CAB39L: variants seen among roughly 807,000 people sequenced by gnomAD.
The protein encoded by CAB39L is calcium-binding protein 39-like.
Under a neutral mutation model 39.1 loss-of-function variants are expected in CAB39L, and 23 were observed. The observed-to-expected ratio is 0.59, with a 90% CI of 0.42 to 0.83. The LOEUF (loss-of-function observed/expected upper bound fraction) is 0.83. Ranked by LOEUF, CAB39L falls within the 40% of genes least tolerant of loss-of-function variation. The pLI is 0.00. For missense variants in CAB39L, 366 were observed against 391.9 expected (o/e 0.93, Z 0.56); for synonymous variants, 126 against 137.2 (o/e 0.92, Z 0.57).
At chr13:49,317,293 G>A (rs1954185270) in intron 10 of CAB39L, among the ~76,000 whole-genome samples, 1 of 152,166 alleles carries the variant, frequency 6.6e-6, no homozygotes, top group Admixed American at 6.5e-5. Context: ...ACTTTGGGAG[G>A]CCGAGGTGGG....
At chr13:49,384,077 T>C (rs910100209) in intron 3 of CAB39L, among the ~76,000 whole-genome samples, 1 of 152,228 alleles carries the variant, frequency 6.6e-6, no homozygotes, top group Non-Finnish European at 1.5e-5. Flanking sequence ...GTGATGCAGT[T>C]TGTTAGCATT....
chr13:49,331,493 C>A (rs1298577538), intron 10 of CAB39L, among the ~76,000 whole-genome samples: 1 of 151,846 alleles, frequency 6.6e-6, no homozygotes. Context: ...ACAAAAAAAC[C>A]ACTATTGTCT....
intron 5 of CAB39L, among the ~76,000 whole-genome samples, chr13:49,361,171 T>G (rs9596086): frequency 0.19 from 28,141 of 151,954 alleles, 2,881 homozygotes; most frequent in Admixed American, 0.27. Flanking sequence ...GTCTCCCTTT[T>G]GCTTAGAAAA....
chr13:49,410,064 G>A lies in CAB39L; in HGVS notation c.-32+23254C>T, dbSNP rs985353668. ...AACAATATAACAACGCTAAGTACAT[G>A]CTATGCTTTTCCACCAACTGCCCAA... is the stretch of plus-strand genomic sequence containing the variant. On this transcript the variant is annotated intron_variant, in intron 3 of 10. Transcript: ENST00000409308. Among the ~76,000 whole-genome samples the A allele has an allele frequency of 4.6e-5, 7 of 152,098 alleles. 1 individual carries two copies. The highest frequency in any genetic ancestry group is 2.6e-4 in the Admixed American group (4 of 15,262).
chr13:49,312,268 T>C (rs1593884365), intron 10 of CAB39L, among the ~76,000 whole-genome samples: 2 of 152,344 alleles, frequency 1.3e-5, no homozygotes, highest in Admixed American at 1.3e-4. Context: ...GCAGTGTTTA[T>C]GAAGTCTACA....
At chr13:49,409,717 G>A (rs1956949785) in intron 3 of CAB39L, among the ~76,000 whole-genome samples, 2 of 152,114 alleles carry the variant, frequency 1.3e-5, no homozygotes, top group African/African-American at 4.8e-5. Context: ...ACCATCATCT[G>A]AAGAGAACAA....
chr13:49,368,398 G>T (rs1955828272), intron 5 of CAB39L, among the ~76,000 whole-genome samples: 1 of 152,190 alleles, frequency 6.6e-6, no homozygotes, highest in African/African-American at 2.4e-5. Flanking sequence ...GGTGAATAAT[G>T]ATCTCTACAT....
In CAB39L at chr13:49,359,849, C is replaced by T. The variant is rs1162773437; in HGVS notation, c.277-17G>A. On this transcript the variant is annotated splice_polypyrimidine_tract_variant and intron_variant, in intron 5 of 10. Coordinates refer to ENST00000409308, the MANE Select transcript of CAB39L (RefSeq NM_001079670.3). ...TTTTTTTCCCTGTTAAAGAAACAAACAGAAATTAAATTGTACACTCTAAAT... is the reference window on the plus strand; with the variant it reads ...TTTTTTTCCCTGTTAAAGAAACAAATAGAAATTAAATTGTACACTCTAAAT... The T allele has an allele frequency of 7.0e-7, 1 of 1,425,476 alleles. No homozygotes were observed. The highest frequency in any genetic ancestry group is 1.4e-5 in the African/African-American group (1 of 71,202). The allele number at this position is 1,425,476 out of a possible 1,614,324, so 88.3% of individuals were successfully genotyped here.
At position 49,433,388 on chromosome 13, in the gene CAB39L, C is replaced by T. The variant is rs1182049364; in HGVS notation, c.-102G>A. 1.1e-5 allele frequency: 5 copies of T among 452,494 alleles called. No homozygotes were observed. Among genetic ancestry groups the T allele is most frequent in the African/African-American group, 1.0e-4 (5 of 49,760 alleles). 28.0% of individuals were successfully genotyped at this position (452,494 alleles called of 1,614,324 possible). A position where few individuals can be genotyped will look rare whatever the true frequency, so the allele number is the denominator to read the frequency against. On this transcript the variant is annotated 5_prime_UTR_variant, in exon 3 of 11. It adds an upstream start codon to the 5' untranslated region. Coordinates refer to ENST00000409308, the MANE Select transcript of CAB39L (RefSeq NM_001079670.3). Reference sequence around the variant, plus strand: ...CTTTCACCAAAGTCACTGATCACCACAGCTTCTGACAAAAAGAAAAGCTTT... The same window carrying T: ...CTTTCACCAAAGTCACTGATCACCATAGCTTCTGACAAAAAGAAAAGCTTT...
At chr13:49,374,220 G>C (rs1955997116) in intron 5 of CAB39L, among the ~76,000 whole-genome samples, 1 of 151,928 alleles carries the variant, frequency 6.6e-6, no homozygotes, top group Admixed American at 6.6e-5. Context: ...GTTAAGAATT[G>C]CCTATCTTAT....
intron 3 of CAB39L, among the ~76,000 whole-genome samples, chr13:49,387,185 A>G (rs1956384864): frequency 6.6e-6 from 1 of 152,202 alleles, no homozygotes; most frequent in Non-Finnish European, 1.5e-5. Context: ...GTTATTCACC[A>G]CTGTCCCACA....
chr13:49,366,755 C>G (rs1955784762), intron 5 of CAB39L, among the ~76,000 whole-genome samples: 1 of 151,722 alleles, frequency 6.6e-6, no homozygotes, highest in Non-Finnish European at 1.5e-5. Context: ...GTGGCTCACA[C>G]ATGTAATCCC....
intron 3 of CAB39L, among the ~76,000 whole-genome samples, chr13:49,408,331 G>A (rs956718583): frequency 1.3e-5 from 2 of 152,186 alleles, no homozygotes; most frequent in East Asian, 3.8e-4. Context: ...GAAATAGCCA[G>A]TTAGTTGATA....
chr13:49,346,034 T>C (rs755863580), intron 7 of CAB39L, among the ~76,000 whole-genome samples: 2 of 125,036 alleles, frequency 1.6e-5, no homozygotes, highest in Non-Finnish European at 3.3e-5. Flanking sequence ...GAAACCATAA[T>C]AGGGTGGGGT....
At chr13:49,374,724 T>C (rs1408570313) in intron 5 of CAB39L, among the ~76,000 whole-genome samples, 1 of 152,224 alleles carries the variant, frequency 6.6e-6, no homozygotes, top group African/African-American at 2.4e-5. Flanking sequence ...ACTTTGAACC[T>C]ATGAGGTTCT....
intron 3 of CAB39L, among the ~76,000 whole-genome samples, chr13:49,390,947 T>C (rs1956476602): frequency 6.6e-6 from 1 of 151,976 alleles, no homozygotes; most frequent in Admixed American, 6.6e-5. Flanking sequence ...GAGTAACAAA[T>C]ACATCAACAA....
At chr13:49,395,974 A>T (rs1956610750) in intron 3 of CAB39L, among the ~76,000 whole-genome samples, 1 of 151,938 alleles carries the variant, frequency 6.6e-6, no homozygotes, top group Non-Finnish European at 1.5e-5. Flanking sequence ...CTATTCAATA[A>T]TAATTTGAGG....
intron 10 of CAB39L, among the ~76,000 whole-genome samples, chr13:49,329,220 T>C (rs992112613): frequency 5.3e-5 from 8 of 152,174 alleles, no homozygotes; most frequent in African/African-American, 1.4e-4. Context: ...CAAGTCTTAA[T>C]ATCTGGTAGA....
intron 3 of CAB39L, among the ~76,000 whole-genome samples, chr13:49,407,990 A>G (rs1374583713): frequency 6.6e-6 from 1 of 152,184 alleles, no homozygotes; most frequent in African/African-American, 2.4e-5. Context: ...GGAGTGCTAG[A>G]CAAAAGAGCT....
Sources: allele counts gnomAD v4.1 joint callset (sites outside exome capture counted in the v4.1 genomes callset), GRCh38; gene constraint gnomAD v4.1.1; transcripts MANE v1.5; gene names NCBI Gene and HGNC (gene_info 2026-07-23, HGNC 2026-07-21).